SYCP2: variants seen among roughly 807,000 people sequenced by gnomAD.
SYCP2 encodes the protein synaptonemal complex lateral element protein.
SYCP2 carries 55 observed loss-of-function variants against 211.3 expected under a neutral mutation model. The ratio of observed to expected loss-of-function variants is 0.26; its 90% confidence interval spans 0.21 to 0.33. The LOEUF is 0.33. SYCP2 is among the 10% of genes least tolerant of loss of function. The pLI, the probability that SYCP2 is intolerant of heterozygous loss-of-function variation, is 1.00. For synonymous variants in SYCP2, 570 were observed against 555.2 expected (o/e 1.03, Z -0.37); for missense variants, 1,731 against 1,752.0 (o/e 0.99, Z 0.21).
rs1394925294 is a variant in SYCP2 at position 59,895,456 on chromosome 20, C to A, written c.1646G>T (p.Arg549Ile). ...AGTTACTTTGTCTATATTATCTCTT[C>A]TATGTCTTCCTTCTGATGATCTAGA... Reference protein sequence around the residue: ...LKSRSSEGRHRRDNIDKHIKT... With the variant: ...LKSRSSEGRHIRDNIDKHIKT... The change falls in exon 20 of 45, where the codon AGA becomes ATA. Residue 549 changes from arginine (R) to isoleucine (I), a missense_variant. Physicochemically the swap from Arg to Ile is moderately conservative, Grantham distance 97. This residue lies in a region of SYCP2 where 1,387 missense variants were observed against 1,351.3 expected (regional missense o/e 1.03). Coordinates refer to ENST00000357552, the MANE Select transcript of SYCP2 (RefSeq NM_014258.4). 4 of 1,610,078 alleles carry A rather than the reference C, an allele frequency of 2.5e-6. No homozygotes were observed. The East Asian group carries it at 8.9e-5, about 36-fold the overall frequency.
intron 14 of SYCP2, among the ~76,000 whole-genome samples, chr20:59,908,195 G>C (rs2060247657): frequency 1.3e-5 from 2 of 152,176 alleles, no homozygotes; most frequent in Non-Finnish European, 2.9e-5. Flanking sequence ...CTTGCAGTGA[G>C]CCAAGATCGC....
intron 24 of SYCP2, among the ~76,000 whole-genome samples, chr20:59,891,497 T>G (rs1409625257): frequency 6.6e-6 from 1 of 151,724 alleles, no homozygotes; most frequent in Non-Finnish European, 1.5e-5. Flanking sequence ...TTCTAACCCA[T>G]TCACATACTT....
In SYCP2 at chr20:59,864,034, T is replaced by TTTTATG. The variant is rs1479785276; in HGVS notation, c.*271_*276dup. ...AAATTTAATTTATTAAAGAAACTCA[T>TTTTATG]TTTATGAGTATAATTAACTCAAAAA... On this transcript the variant is annotated 3_prime_UTR_variant, in exon 45 of 45. Coordinates refer to ENST00000357552, the MANE Select transcript of SYCP2 (RefSeq NM_014258.4). The TTTTATG allele has an allele frequency of 1.9e-5, 4 of 215,608 alleles. No homozygotes were observed. Among genetic ancestry groups the TTTTATG allele is most frequent in the Non-Finnish European group, 2.7e-5 (3 of 109,942 alleles). The allele number at this position is 215,608 out of a possible 1,614,324, so 13.4% of individuals were successfully genotyped here.
intron 2 of SYCP2, among the ~76,000 whole-genome samples, chr20:59,930,220 A>G (rs1286397845): frequency 6.6e-6 from 1 of 152,186 alleles, no homozygotes; most frequent in Non-Finnish European, 1.5e-5. Context: ...GCAATTAATT[A>G]CACTATTCTG....
chr20:59,914,381 A>AC, intron 10 of SYCP2, 130 bp from the exon 11 acceptor site: 1 of 464,516 alleles, frequency 2.2e-6, no homozygotes, highest in Non-Finnish European at 3.7e-6. Context: ...TTAATCTATT[A>AC]ATATTTTCTT....
intron 18 of SYCP2, among the ~76,000 whole-genome samples, chr20:59,899,051 G>A (rs1022088219): frequency 2.0e-5 from 3 of 152,142 alleles, no homozygotes; most frequent in Non-Finnish European, 2.9e-5. Context: ...TCAAGATACT[G>A]ATATTTAAGG....
At chr20:59,903,647 A>G (rs2060159327) in intron 15 of SYCP2, among the ~76,000 whole-genome samples, 1 of 152,150 alleles carries the variant, frequency 6.6e-6, no homozygotes, top group Admixed American at 6.6e-5. Context: ...AGATACAAAG[A>G]TGTTTGGAGA....
intron 2 of SYCP2, among the ~76,000 whole-genome samples, chr20:59,930,988 T>C (rs77436043): frequency 0.025 from 3,778 of 152,276 alleles, 178 homozygotes; most frequent in African/African-American, 0.083. Flanking sequence ...ATTTTTAAAA[T>C]AAAAATGAAC....
intron 9 of SYCP2, 102 bp downstream of exon 9, chr20:59,915,361 AAC>A: frequency 2.0e-6 from 2 of 993,832 alleles, no homozygotes; most frequent in Non-Finnish European, 3.1e-6. Context: ...AAAAAGCTGC[AAC>A]AGTTTATCAG....
At chr20:59,900,841 T>A in intron 16 of SYCP2, 23 bp from the exon 17 acceptor site, 1 of 1,477,868 alleles carries the variant, frequency 6.8e-7, no homozygotes, top group Non-Finnish European at 9.4e-7. Context: ...CAATTCACAG[T>A]GATGACATTT....
At position 59,886,701 on chromosome 20, in the gene SYCP2, A is replaced by G. The variant is rs763826762; in HGVS notation, c.2492+6T>C. On this transcript the variant is annotated splice_donor_region_variant and intron_variant, in intron 25 of 44. Transcript: ENST00000357552. The stretch of plus-strand genomic sequence containing the variant: ...AAATATTCATGTCTGAAATTTAAGA[A>G]CATACCTGTTAATCAAAGACTCCTT... 1.6e-5 allele frequency: 25 copies of G among 1,543,232 alleles called. No homozygotes were observed. The South Asian group carries it at 2.8e-4, about 17-fold the overall frequency.
intron 18 of SYCP2, among the ~76,000 whole-genome samples, chr20:59,898,820 T>TAA: frequency 6.6e-6 from 1 of 151,906 alleles, no homozygotes; most frequent in East Asian, 1.9e-4. Flanking sequence ...TGGGTAAAGG[T>TAA]AAAAAAATAA....
Position 59,875,256 on chromosome 20 carries a change from CAA to C in SYCP2, c.3349+13_3349+14del, listed in dbSNP as rs1261374845. ...ATTGAATATTCAAGTAAAGAAAAAA[CAA>C]AGTTATACTGACATCTCGTTACTTC... is the stretch of plus-strand genomic sequence containing the variant. On this transcript the variant is annotated intron_variant, in intron 34 of 44. Coordinates refer to ENST00000357552, the MANE Select transcript of SYCP2 (RefSeq NM_014258.4). The C allele has an allele frequency of 6.5e-7, 1 of 1,529,256 alleles. No individual in the cohort carries two copies. Among genetic ancestry groups the C allele is most frequent in the Non-Finnish European group, 8.8e-7 (1 of 1,130,166 alleles). The allele number at this position is 1,529,256 out of a possible 1,614,324, so 94.7% of individuals were successfully genotyped here.
intron 19 of SYCP2, among the ~76,000 whole-genome samples, 164 bp from the exon 20 acceptor site, chr20:59,895,761 G>A (rs756276771): frequency 1.5e-4 from 23 of 152,062 alleles, no homozygotes; most frequent in Non-Finnish European, 1.6e-4. Context: ...AAGATAATAA[G>A]TGAAGGAAAA....
At chr20:59,881,048 A>T in intron 29 of SYCP2, 25 bp from the exon 30 acceptor site, 1 of 1,285,508 alleles carries the variant, frequency 7.8e-7, no homozygotes, top group South Asian at 1.4e-5. Context: ...TGTATTAATT[A>T]AAAAATACCC....
At chr20:59,915,742 C>T in intron 8 of SYCP2, 192 bp from the exon 9 acceptor site, 2 of 396,096 alleles carry the variant, frequency 5.0e-6, no homozygotes, top group South Asian at 9.0e-5. Context: ...CACTATAATA[C>T]CAGCACTTTG....
intron 9 of SYCP2, 120 bp from the exon 10 acceptor site, chr20:59,915,319 G>A (rs888909396): frequency 2.9e-6 from 3 of 1,022,318 alleles, no homozygotes; most frequent in South Asian, 2.9e-5. Context: ...ATCGACTTTT[G>A]CAGAAATTAT....
At chr20:59,932,292 C>G (rs951575234) in intron 1 of SYCP2, 138 bp from the exon 2 acceptor site, 1 of 152,212 alleles carries the variant, frequency 6.6e-6, no homozygotes, top group South Asian at 2.1e-4. Flanking sequence ...AAAGTCCCCT[C>G]TGCCCTGGTA....
chr20:59,923,157 A>G (rs2060572308), intron 2 of SYCP2, among the ~76,000 whole-genome samples: 1 of 151,990 alleles, frequency 6.6e-6, no homozygotes, highest in Non-Finnish European at 1.5e-5. Flanking sequence ...GCTTATGAAA[A>G]CAGGACCAAA....
Sources: allele counts gnomAD v4.1 joint callset (sites outside exome capture counted in the v4.1 genomes callset), GRCh38; gene constraint gnomAD v4.1.1; regional missense constraint gnomAD v4.1.1; transcripts MANE v1.5; gene names NCBI Gene and HGNC (gene_info 2026-07-23, HGNC 2026-07-21).